CPA6: variants seen among roughly 807,000 people sequenced by gnomAD.
CPA6 encodes carboxypeptidase A6.
A neutral mutation model predicts 63.3 loss-of-function variants in CPA6; 58 were observed. The ratio of observed to expected loss-of-function variants is 0.92; its 90% CI spans 0.74 to 1.14. The LOEUF (loss-of-function observed/expected upper bound fraction) is 1.14, where lower values mean the gene tolerates loss of function less well. CPA6 is among the 50% of genes most tolerant of loss of function. The pLI, the probability that CPA6 is intolerant of heterozygous loss-of-function variation, is 0.00. For synonymous variants in CPA6, 185 were observed against 179.0 expected (o/e 1.03, Z -0.27); for missense variants, 565 against 526.6 (o/e 1.07, Z -0.71).
intron 1 of CPA6, among the ~76,000 whole-genome samples, chr8:67,641,092 C>T (rs1021549471): frequency 2.6e-5 from 4 of 151,776 alleles, no homozygotes; most frequent in Admixed American, 1.3e-4. Context: ...GCTGCCACCA[C>T]TCATGTCTTT....
At chr8:67,435,515 G>C (rs1272616370) in intron 8 of CPA6, among the ~76,000 whole-genome samples, 2 of 152,166 alleles carry the variant, frequency 1.3e-5, no homozygotes, top group Non-Finnish European at 2.9e-5. Context: ...GCAGGTGCGG[G>C]GAGGCTCCGG....
At position 67,548,109 on chromosome 8, in the gene CPA6, TTCCC is replaced by T. The variant is rs1292599015; in HGVS notation, c.193-30066_193-30063del. Among the ~76,000 whole-genome samples the T allele has an allele frequency of 1.8e-3, 187 of 103,764 alleles. No individual in the cohort carries two copies. In the East Asian group the frequency reaches 0.034, roughly 19 times the overall value. 68.1% of individuals were successfully genotyped at this position (103,764 alleles called of 152,430 possible). On this transcript the variant is annotated intron_variant, in intron 2 of 10. Transcript: ENST00000297770. ...TCTTTCTCTCTTTCTCTTTCCTTCCTTCCCTCCCTCCCTCCCTCCCTTCCTCTCT... is the reference window on the plus strand; with the variant it reads ...TCTTTCTCTCTTTCTCTTTCCTTCCTTCCCTCCCTCCCTCCCTTCCTCTCT...
chr8:67,427,928 T>G, intron 10 of CPA6, 119 bp downstream of exon 10: 1 of 633,936 alleles, frequency 1.6e-6, no homozygotes, highest in Non-Finnish European at 2.8e-6. Flanking sequence ...CTCAGCTAAT[T>G]TGATAGTCAA....
intron 2 of CPA6, among the ~76,000 whole-genome samples, chr8:67,584,942 A>T (rs1191673982): frequency 6.6e-6 from 1 of 152,076 alleles, no homozygotes; most frequent in African/African-American, 2.4e-5. Context: ...ACATACCATT[A>T]GCCGATTAGC....
intron 1 of CPA6, among the ~76,000 whole-genome samples, chr8:67,646,951 G>C (rs1246254593): frequency 6.6e-6 from 1 of 152,214 alleles, no homozygotes; most frequent in East Asian, 1.9e-4. Flanking sequence ...AAAGCTCTTA[G>C]AGAGTTTAAA....
intron 2 of CPA6, among the ~76,000 whole-genome samples, chr8:67,547,540 C>CA (rs994337649): frequency 1.3e-5 from 2 of 151,188 alleles, no homozygotes; most frequent in Non-Finnish European, 2.9e-5. Context: ...CTCTGTCCCC[C>CA]AGGCTGGAGT....
intron 2 of CPA6, among the ~76,000 whole-genome samples, chr8:67,572,861 C>T (rs76007722): frequency 0.07 from 10,605 of 152,114 alleles, 678 homozygotes; most frequent in African/African-American, 0.17. Flanking sequence ...ATATCTTTGA[C>T]GAATATAGAC....
At chr8:67,589,260 T>G (rs1002184658) in intron 2 of CPA6, among the ~76,000 whole-genome samples, 1 of 152,212 alleles carries the variant, frequency 6.6e-6, no homozygotes, top group African/African-American at 2.4e-5. Context: ...TAAAAAGGAT[T>G]TGACCAAAAC....
At chr8:67,611,603 C>T (rs1481694738) in intron 2 of CPA6, among the ~76,000 whole-genome samples, 1 of 152,170 alleles carries the variant, frequency 6.6e-6, no homozygotes, top group African/African-American at 2.4e-5. Context: ...AAGCTAGACT[C>T]CATAAATATT....
At chr8:67,575,180 A>G (rs1237509700) in intron 2 of CPA6, among the ~76,000 whole-genome samples, 4 of 152,210 alleles carry the variant, frequency 2.6e-5, no homozygotes, top group African/African-American at 7.2e-5. Flanking sequence ...TAAATCCACA[A>G]TGAGATATCA....
chr8:67,432,232 C>T (rs1422563377), intron 9 of CPA6, among the ~76,000 whole-genome samples: 2 of 152,052 alleles, frequency 1.3e-5, no homozygotes, highest in African/African-American at 2.4e-5. Context: ...GAGAGAGAGG[C>T]CAGAGATTGA....
chr8:67,432,639 T>G (rs1409486304), intron 9 of CPA6, among the ~76,000 whole-genome samples: 1 of 152,110 alleles, frequency 6.6e-6, no homozygotes, highest in Non-Finnish European at 1.5e-5. Context: ...ATTTTTAATT[T>G]TTTTGTAGAG....
chr8:67,715,095 T>G (rs1446493148), intron 1 of CPA6, among the ~76,000 whole-genome samples: 1 of 152,190 alleles, frequency 6.6e-6, no homozygotes, highest in Non-Finnish European at 1.5e-5. Context: ...GTTTTTGTTT[T>G]TTTTTCCCGA....
intron 1 of CPA6, among the ~76,000 whole-genome samples, chr8:67,685,783 G>A (rs760088189): frequency 2.0e-5 from 3 of 152,222 alleles, no homozygotes; most frequent in Non-Finnish European, 2.9e-5. Context: ...GAATTATTAC[G>A]TTATTACGAG....
chr8:67,640,451 GC>G lies in CPA6; in HGVS notation c.117-16201del, dbSNP rs201698036. Among the ~76,000 whole-genome samples, 1,353 of 151,450 alleles carry G rather than the reference GC, an allele frequency of 8.9e-3. 84 individuals are homozygous for G. The highest frequency in any genetic ancestry group is 0.03 in the African/African-American group (1,216 of 40,824). On this transcript the variant is annotated intron_variant, in intron 1 of 10. Coordinates refer to ENST00000297770, the MANE Select transcript of CPA6 (RefSeq NM_020361.5). ...ACACATCTGTCTGGGTTTCAAAATT[GC>G]CTGGGCTCAGCCTCAACTTTGCTCC...
intron 2 of CPA6, among the ~76,000 whole-genome samples, chr8:67,524,299 T>C (rs1812318511): frequency 6.6e-6 from 1 of 152,160 alleles, no homozygotes; most frequent in Non-Finnish European, 1.5e-5. Context: ...TTGTTATGAG[T>C]TTCCTAGGGC....
At position 67,422,702 on chromosome 8, in the gene CPA6, A is replaced by C. The variant is rs1287272350; in HGVS notation, c.1127-11T>G. ...TACCAGAGCTCACATCTAAAAGTTA[A>C]AACAAAAAAAAAAAGATCAGCCTCA... is the stretch of plus-strand genomic sequence containing the variant. On this transcript the variant is annotated splice_polypyrimidine_tract_variant and intron_variant, in intron 10 of 10. Transcript: ENST00000297770. The C allele has an allele frequency of 6.3e-7, 1 of 1,592,922 alleles. No individual in the cohort carries two copies. The highest frequency in any genetic ancestry group is 1.7e-4 in the Middle Eastern group (1 of 5,918).
chr8:67,646,476 T>C (rs1294011903), intron 1 of CPA6, among the ~76,000 whole-genome samples: 2 of 152,212 alleles, frequency 1.3e-5, no homozygotes, highest in Non-Finnish European at 2.9e-5. Flanking sequence ...GGAACGACTT[T>C]GTTGGTAACA....
chr8:67,624,301 AT>A, intron 1 of CPA6, 50 bp from the exon 2 acceptor site: 2 of 1,019,170 alleles, frequency 2.0e-6, no homozygotes, highest in Non-Finnish European at 1.5e-6. Context: ...AAATAAAGAT[AT>A]TAGTCATCTC....
Sources: gnomAD v4.1 joint callset for allele counts (sites outside exome capture counted in the v4.1 genomes callset) on GRCh38, gnomAD v4.1.1 for gene constraint, MANE v1.5 for transcripts, NCBI Gene and HGNC (gene_info 2026-07-23, HGNC 2026-07-21) for gene names.